The following CAST variants were observed in gnomAD, a reference collection of about 807,000 sequenced individuals.
CAST encodes calpastatin.
A neutral mutation model predicts 119.6 loss-of-function variants in CAST; 76 were observed. That is an observed-to-expected ratio of 0.64 (90% CI 0.53 to 0.77). The LOEUF (loss-of-function observed/expected upper bound fraction) is 0.77. Ranked by LOEUF, CAST falls within the 30% of genes least tolerant of loss-of-function variation. The pLI, the probability that CAST is intolerant of heterozygous loss-of-function variation, is 0.00. For missense variants in CAST, 953 were observed against 946.5 expected (o/e 1.01, Z -0.09); for synonymous variants, 319 against 331.6 (o/e 0.96, Z 0.41).
the CAST span, among the ~76,000 whole-genome samples, chr5:96,454,578 T>C: frequency 6.6e-6 from 1 of 152,182 alleles, no homozygotes; most frequent in Non-Finnish European, 1.5e-5. Flanking sequence ...AAGGCAATTG[T>C]TGAGTGTCTG....
chr5:96,139,287 T>C, the CAST span, among the ~76,000 whole-genome samples: 1 of 151,820 alleles, frequency 6.6e-6, no homozygotes, highest in Non-Finnish European at 1.5e-5. Context: ...TCACTACCTC[T>C]TGCATTCTCC....
chr5:96,740,679 T>C, intron 12 of CAST, 66 bp from the exon 13 acceptor site: 1 of 1,147,682 alleles, frequency 8.7e-7, no homozygotes, highest in South Asian at 1.2e-5. Flanking sequence ...CAACGGGCAA[T>C]ACATTTTGCC....
At chr5:96,337,513 TG>T in the CAST span, among the ~76,000 whole-genome samples, 9 of 152,196 alleles carry the variant, frequency 5.9e-5, no homozygotes, top group Admixed American at 2.0e-4. Flanking sequence ...GGAAGTAAGA[TG>T]CCGCAAAGCT....
chr5:96,362,000 C>T, the CAST span, among the ~76,000 whole-genome samples: 2 of 151,942 alleles, frequency 1.3e-5, no homozygotes, highest in African/African-American at 4.8e-5. Context: ...CACCCCACGA[C>T]AGGCCCCGGT....
intron 1 of CAST, among the ~76,000 whole-genome samples, chr5:96,567,929 C>T (rs188604437): frequency 6.6e-6 from 1 of 152,230 alleles, no homozygotes; most frequent in Admixed American, 6.5e-5. Context: ...GTCAGAGCTT[C>T]AGAGTTCCAT....
chr5:96,636,156 A>G (rs1202167849), intron 1 of CAST, among the ~76,000 whole-genome samples: 5 of 152,220 alleles, frequency 3.3e-5, no homozygotes, highest in Admixed American at 6.5e-5. Context: ...GCTCCATAGT[A>G]AGCACTCTAT....
rs548288544 is a variant in CAST at position 96,569,747 on chromosome 5, T to A, written c.60+39867T>A. ...TCCATAGCGACAACACGATCACTGA[T>A]CCAGTACAATATCTTATGGTGCCTA... On this transcript the variant is annotated intron_variant, in intron 1 of 11. Coordinates refer to the CAST transcript ENST00000505143. 3.2e-3 allele frequency among the ~76,000 whole-genome samples: 482 copies of A among 152,344 alleles called. 2 individuals carry two copies. Among genetic ancestry groups the A allele is most frequent in the Non-Finnish European group, 5.6e-3 (383 of 68,036 alleles).
At chr5:96,029,577 A>G in the CAST span, among the ~76,000 whole-genome samples, 1 of 152,162 alleles carries the variant, frequency 6.6e-6, no homozygotes, top group African/African-American at 2.4e-5. Flanking sequence ...TTTTCTGACC[A>G]GTAGATATCA....
chr5:96,633,294 A>G (rs935883042), intron 1 of CAST, among the ~76,000 whole-genome samples: 25 of 152,280 alleles, frequency 1.6e-4, no homozygotes, highest in Middle Eastern at 3.4e-3. Context: ...AGATCAATTT[A>G]AATAGTATTG....
the CAST span, among the ~76,000 whole-genome samples, chr5:96,233,385 C>CA: frequency 6.6e-6 from 1 of 151,720 alleles, no homozygotes; most frequent in African/African-American, 2.4e-5. Flanking sequence ...AAATAGGAAG[C>CA]AAAAATGGAG....
chr5:96,479,852 G>A, the CAST span, among the ~76,000 whole-genome samples: 1 of 152,072 alleles, frequency 6.6e-6, no homozygotes. Flanking sequence ...TACAGCTGAG[G>A]CCTAAAGAAG....
the CAST span, among the ~76,000 whole-genome samples, chr5:96,463,193 A>G: frequency 1.3e-5 from 2 of 152,150 alleles, no homozygotes; most frequent in Non-Finnish European, 2.9e-5. Context: ...ACAAATTTAC[A>G]TTTGATGGCA....
the CAST span, among the ~76,000 whole-genome samples, chr5:96,438,325 T>C: frequency 1.3e-5 from 2 of 152,220 alleles, no homozygotes; most frequent in Non-Finnish European, 2.9e-5. Flanking sequence ...GGTGTAACCA[T>C]ATTACTATTA....
intron 2 of CAST, among the ~76,000 whole-genome samples, chr5:96,679,791 TCAAA>T (rs994632890): frequency 1.3e-5 from 2 of 152,170 alleles, no homozygotes; most frequent in Non-Finnish European, 2.9e-5. Context: ...GTTGAATGAC[TCAAA>T]CATTTTTTTT....
At chr5:96,485,369 C>T in the CAST span, among the ~76,000 whole-genome samples, 1 of 152,108 alleles carries the variant, frequency 6.6e-6, no homozygotes, top group Non-Finnish European at 1.5e-5. Context: ...AAGTTATTAC[C>T]ATCTTTAAAA....
chr5:96,727,447 T>C, intron 5 of CAST, 42 bp from the exon 6 acceptor site: 1 of 1,140,622 alleles, frequency 8.8e-7, no homozygotes, highest in Non-Finnish European at 1.3e-6. Flanking sequence ...TCTATCTTTC[T>C]TTTCTTCCTT....
chr5:96,103,469 C>T, the CAST span, among the ~76,000 whole-genome samples: 4 of 149,822 alleles, frequency 2.7e-5, no homozygotes, highest in African/African-American at 7.4e-5. Flanking sequence ...TTTGTTCTTG[C>T]GATAGTTTAC....
At chr5:96,240,110 AATTT>A in the CAST span, among the ~76,000 whole-genome samples, 25 of 152,222 alleles carry the variant, frequency 1.6e-4, no homozygotes, top group Non-Finnish European at 7.3e-5. Flanking sequence ...GAATGTAATT[AATTT>A]ATTATACCAT....
At chr5:96,053,089 A>G in the CAST span, among the ~76,000 whole-genome samples, 1 of 152,006 alleles carries the variant, frequency 6.6e-6, no homozygotes, top group Non-Finnish European at 1.5e-5. Flanking sequence ...TTTTTCCCTT[A>G]AGCCTAACAG....
Sources: allele counts gnomAD v4.1 joint callset (sites outside exome capture counted in the v4.1 genomes callset), GRCh38; gene constraint gnomAD v4.1.1; transcripts MANE v1.5; gene names NCBI Gene and HGNC (gene_info 2026-07-23, HGNC 2026-07-21).